Variants in CSMD1 observed in about 807,000 individuals in gnomAD.
The protein encoded by CSMD1 is CUB and Sushi multiple domains 1, also known as CUB and sushi domain-containing protein 1.
CSMD1 carries 213 observed loss-of-function variants against 417.5 expected under a neutral mutation model. The ratio of observed to expected loss-of-function variants is 0.51; its 90% CI spans 0.46 to 0.57. CSMD1 has a LOEUF of 0.57. Among genes scored for constraint, CSMD1 ranks in the 20% least tolerant of loss-of-function variants. The pLI is 0.00. For missense variants in CSMD1, 6,923 were observed against 4,529.7 expected (o/e 1.53, Z -15.17); for synonymous variants, 2,862 against 1,736.8 (o/e 1.65, Z -16.11).
In CSMD1 at chr8:4,765,833, G is replaced by C. The variant is rs770355419; in HGVS notation, c.86-128275C>G. On this transcript the variant is annotated intron_variant, in intron 1 of 69. Transcript: ENST00000635120. ...GGATGTGGAGTTAACAATAGTTAGA[G>C]AGAGCTTAGTAACTGGGCTGATTTC... 6.6e-5 allele frequency among the ~76,000 whole-genome samples: 10 copies of C among 152,302 alleles called. No homozygotes were observed. In the South Asian group the frequency reaches 1.4e-3, roughly 22 times the overall value.
intron 3 of CSMD1, among the ~76,000 whole-genome samples, chr8:4,125,627 C>A (rs919089459): frequency 6.6e-6 from 1 of 152,188 alleles, no homozygotes; most frequent in Non-Finnish European, 1.5e-5. Context: ...ATGTCAGTGA[C>A]AGAAATCAGA....
chr8:4,734,512 T>C (rs1373281321), intron 1 of CSMD1, among the ~76,000 whole-genome samples: 1 of 152,194 alleles, frequency 6.6e-6, no homozygotes, highest in Admixed American at 6.5e-5. Context: ...TTCTACAAAA[T>C]AATAACTGTT....
intron 49 of CSMD1, among the ~76,000 whole-genome samples, chr8:3,059,535 C>T (rs901250152): frequency 2.0e-5 from 3 of 152,088 alleles, no homozygotes; most frequent in African/African-American, 7.2e-5. Context: ...GACTCAGGGC[C>T]CAGGTGACAG....
intron 18 of CSMD1, among the ~76,000 whole-genome samples, chr8:3,382,713 T>A (rs1395615050): frequency 1.3e-5 from 2 of 151,060 alleles, no homozygotes; most frequent in Non-Finnish European, 2.9e-5. Flanking sequence ...TAGTGTTGCA[T>A]TTCTTCTCTC....
chr8:4,010,901 T>C (rs1816488993), intron 4 of CSMD1, among the ~76,000 whole-genome samples: 1 of 151,994 alleles, frequency 6.6e-6, no homozygotes, highest in African/African-American at 2.4e-5. Context: ...TACTGAAAGG[T>C]CTAACTTTAC....
At chr8:4,009,401 C>A (rs995118032) in intron 4 of CSMD1, among the ~76,000 whole-genome samples, 1 of 152,098 alleles carries the variant, frequency 6.6e-6, no homozygotes, top group African/African-American at 2.4e-5. Flanking sequence ...CCATGTTTAT[C>A]ATAAAGAAAA....
At chr8:4,228,010 G>C (rs939428909) in intron 3 of CSMD1, among the ~76,000 whole-genome samples, 9 of 151,026 alleles carry the variant, frequency 6.0e-5, no homozygotes, top group African/African-American at 2.2e-4. Context: ...CACACCTGGA[G>C]ACATACCCTC....
chr8:3,331,783 G>T (rs182924650), intron 23 of CSMD1, among the ~76,000 whole-genome samples: 1 of 152,154 alleles, frequency 6.6e-6, no homozygotes, highest in Non-Finnish European at 1.5e-5. Context: ...TAAAGTTACC[G>T]TGTGAATGAT....
At chr8:3,819,533 TACACAC>T (rs10566509) in intron 5 of CSMD1, among the ~76,000 whole-genome samples, 41 of 82,412 alleles carry the variant, frequency 5.0e-4, no homozygotes, top group African/African-American at 1.5e-3. Context: ...AGGTGATTTC[TACACAC>T]ACACACACAC....
intron 3 of CSMD1, among the ~76,000 whole-genome samples, chr8:4,098,990 C>G (rs940261334): frequency 1.3e-5 from 2 of 152,132 alleles, no homozygotes; most frequent in Non-Finnish European, 1.5e-5. Context: ...TACACATGAA[C>G]TCTCTTAGAC....
At position 3,564,435 on chromosome 8, in the gene CSMD1, G is replaced by A. The variant is rs149403148; in HGVS notation, c.1344+10510C>T. On this transcript the variant is annotated intron_variant, in intron 10 of 69. Transcript: ENST00000635120. ...CAAGTCTATTGTCTACAGCTGTGCT[G>A]TTATTCTTTACCTCTGTAACACTTT... Among the ~76,000 whole-genome samples the A allele has an allele frequency of 7.7e-4, 117 of 151,948 alleles. 1 individual carries two copies. Among genetic ancestry groups the A allele is most frequent in the Middle Eastern group, 3.4e-3 (1 of 294 alleles).
At chr8:3,046,406 C>A (rs1811448225) in intron 50 of CSMD1, among the ~76,000 whole-genome samples, 1 of 152,186 alleles carries the variant, frequency 6.6e-6, no homozygotes, top group East Asian at 1.9e-4. Flanking sequence ...TGGGAATGTC[C>A]TAAGGCTCCA....
intron 6 of CSMD1, among the ~76,000 whole-genome samples, chr8:3,712,133 C>G (rs1409427320): frequency 6.8e-6 from 1 of 146,234 alleles, no homozygotes. Flanking sequence ...ACTATCTGCT[C>G]TCCTGAGTTG....
chr8:4,769,038 C>T (rs10111155), intron 1 of CSMD1, among the ~76,000 whole-genome samples: 61,251 of 152,024 alleles, frequency 0.4, 12,917 homozygotes, highest in Admixed American at 0.57. Context: ...AAAGCCATCT[C>T]GGGGAATATC....
intron 2 of CSMD1, among the ~76,000 whole-genome samples, chr8:4,435,478 A>T (rs533913232): frequency 7.2e-5 from 11 of 152,212 alleles, no homozygotes; most frequent in Non-Finnish European, 1.3e-4. Context: ...AAATCTTTGG[A>T]AGCCCTGTTA....
At chr8:4,727,213 A>C (rs1809516990) in intron 1 of CSMD1, among the ~76,000 whole-genome samples, 1 of 152,146 alleles carries the variant, frequency 6.6e-6, no homozygotes, top group South Asian at 2.1e-4. Context: ...TCAATGATGA[A>C]GAGTCCACTC....
intron 2 of CSMD1, among the ~76,000 whole-genome samples, chr8:4,435,843 A>T (rs1171945588): frequency 6.6e-6 from 1 of 152,200 alleles, no homozygotes; most frequent in Non-Finnish European, 1.5e-5. Context: ...GTGACTCCAA[A>T]GCTCACCTTC....
chr8:3,438,790 G>A (rs1011881167), intron 12 of CSMD1, among the ~76,000 whole-genome samples: 1 of 151,882 alleles, frequency 6.6e-6, no homozygotes, highest in East Asian at 1.9e-4. Context: ...TGCAATTGTC[G>A]GGTCATATGA....
chr8:4,623,676 A>G (rs1468344391), intron 2 of CSMD1, among the ~76,000 whole-genome samples: 2 of 152,158 alleles, frequency 1.3e-5, no homozygotes, highest in African/African-American at 2.4e-5. Context: ...ATATGAAGAA[A>G]TGTGGATGGA....
Sources: gnomAD v4.1 joint callset for allele counts (sites outside exome capture counted in the v4.1 genomes callset) on GRCh38, gnomAD v4.1.1 for gene constraint, MANE v1.5 for transcripts, NCBI Gene and HGNC (gene_info 2026-07-23, HGNC 2026-07-21) for gene names.